DNAH9: variants seen among roughly 807,000 people sequenced by gnomAD.
DNAH9 encodes dynein axonemal heavy chain 9, also known as DNAH9 variant protein.
DNAH9 carries 345 observed loss-of-function variants against 471.6 expected under a neutral mutation model. The ratio of observed to expected loss-of-function variants is 0.73; its 90% confidence interval spans 0.67 to 0.80. The LOEUF is 0.80. Among genes scored for constraint, DNAH9 ranks in the 30% least tolerant of loss-of-function variants. The probability of loss-of-function intolerance (pLI) is 0.00; values close to 1 mark genes in which losing one functional copy is unlikely to be tolerated. For missense variants in DNAH9, 5,407 were observed against 5,609.2 expected, an observed-to-expected ratio of 0.96 and a Z score of 1.15; for synonymous variants, 2,093 against 2,123.6, an observed-to-expected ratio of 0.99 and a Z score of 0.40.
At position 11,822,224 on chromosome 17, in the gene DNAH9, A is replaced by G. The variant is rs917898469; in HGVS notation, c.8850+162A>G. ...GCACAGTTGCCAGGACACCCTTCTC[A>G]TCTGCTTTAAGGGCAGCAGCATCCC... On this transcript the variant is annotated intron_variant, in intron 46 of 68. Coordinates refer to ENST00000262442, the MANE Select transcript of DNAH9 (RefSeq NM_001372.4). 2.6e-5 allele frequency among the ~76,000 whole-genome samples: 4 copies of G among 152,310 alleles called. No individual in the cohort carries two copies. In the East Asian group the frequency reaches 7.7e-4, roughly 29 times the overall value.
rs776880349 is a variant in DNAH9, at chr17:11,854,373, C to T, written c.9878C>T (p.Thr3293Ile). The change falls in exon 50 of 69, where the codon ACC becomes ATC. Residue 3293 changes from threonine to isoleucine, a missense_variant. Thr to Ile is a moderately conservative substitution (Grantham distance 89). Transcript: ENST00000262442. ...EPKRQALNKATADLTAAQEKL... is the reference protein window; with the variant it reads ...EPKRQALNKAIADLTAAQEKL... ...AAGCGCCAGGCACTGAACAAAGCCA[C>T]CGCGGACCTCACAGCTGCCCAGGAG... 3 of 1,614,086 alleles carry T rather than the reference C, an allele frequency of 1.9e-6. No homozygotes were observed. In the Admixed American group the frequency reaches 5.0e-5, roughly 27 times the overall value.
chr17:11,903,276 T>C (rs542161988), intron 60 of DNAH9, among the ~76,000 whole-genome samples: 1 of 152,066 alleles, frequency 6.6e-6, no homozygotes, highest in East Asian at 1.9e-4. Context: ...AGGCAGAGGT[T>C]GCAGTGACCC....
intron 50 of DNAH9, among the ~76,000 whole-genome samples, chr17:11,866,579 A>T (rs1166011251): frequency 1.3e-5 from 2 of 152,174 alleles, no homozygotes; most frequent in African/African-American, 4.8e-5. Context: ...AAGTCTGCAG[A>T]GGTTACTGCT....
At chr17:11,824,575 T>C (rs941562686) in intron 48 of DNAH9, among the ~76,000 whole-genome samples, 1 of 152,228 alleles carries the variant, frequency 6.6e-6, no homozygotes, top group African/African-American at 2.4e-5. Context: ...CTTTTTTCTC[T>C]AAATTGTAGG....
chr17:11,836,696 T>C (rs1970860682), intron 49 of DNAH9, among the ~76,000 whole-genome samples: 1 of 152,150 alleles, frequency 6.6e-6, no homozygotes, highest in Non-Finnish European at 1.5e-5. Flanking sequence ...CGTCTAAATC[T>C]TACCCAAATT....
At chr17:11,758,910 G>T (rs1232075252) in intron 35 of DNAH9, among the ~76,000 whole-genome samples, 3 of 152,120 alleles carry the variant, frequency 2.0e-5, no homozygotes, top group Non-Finnish European at 4.4e-5. Flanking sequence ...AAGGCTTTCA[G>T]TCCGTGGGTG....
intron 28 of DNAH9, among the ~76,000 whole-genome samples, chr17:11,730,084 G>A (rs969060487): frequency 7.9e-5 from 12 of 152,308 alleles, no homozygotes; most frequent in African/African-American, 2.9e-4. Context: ...CAGAACGTGA[G>A]GCTCTTCCCT....
chr17:11,648,950 AC>A (rs1266221585), intron 12 of DNAH9, among the ~76,000 whole-genome samples: 2 of 151,990 alleles, frequency 1.3e-5, no homozygotes, highest in African/African-American at 2.4e-5. Context: ...ACATGGAGAA[AC>A]CCCATCTCTA....
chr17:11,845,040 A>G (rs1448717152), intron 49 of DNAH9, among the ~76,000 whole-genome samples: 1 of 150,402 alleles, frequency 6.6e-6, no homozygotes, highest in Non-Finnish European at 1.5e-5. Context: ...GTTTTAGGGT[A>G]CATGTGCACA....
chr17:11,960,792 A>G (rs1336569999), intron 67 of DNAH9, among the ~76,000 whole-genome samples: 1 of 152,050 alleles, frequency 6.6e-6, no homozygotes, highest in African/African-American at 2.4e-5. Context: ...GTTAAGAGAA[A>G]AAGTTAGATC....
intron 38 of DNAH9, among the ~76,000 whole-genome samples, chr17:11,780,438 C>T (rs1184237679): frequency 2.6e-5 from 4 of 152,302 alleles, no homozygotes; most frequent in Admixed American, 6.5e-5. Context: ...GGAAGGGGAG[C>T]GGCAGCCTTT....
chr17:11,870,111 T>A (rs1972209488), intron 51 of DNAH9, among the ~76,000 whole-genome samples: 1 of 152,124 alleles, frequency 6.6e-6, no homozygotes, highest in African/African-American at 2.4e-5. Flanking sequence ...AGGACAAGTG[T>A]CCCAAGAGGC....
chr17:11,701,597 G>T (rs1192948508), intron 24 of DNAH9, among the ~76,000 whole-genome samples: 1 of 152,216 alleles, frequency 6.6e-6, no homozygotes, highest in Non-Finnish European at 1.5e-5. Flanking sequence ...AATGACACCT[G>T]TCTTGCTGGA....
At chr17:11,694,140 A>G (rs1301746520) in intron 21 of DNAH9, 142 bp downstream of exon 21, 6 of 1,263,358 alleles carry the variant, frequency 4.7e-6, no homozygotes, top group Non-Finnish European at 6.6e-6. Context: ...AGCATGGGGC[A>G]TTATTAGAGG....
chr17:11,700,722 A>G (rs1470251843), intron 23 of DNAH9, among the ~76,000 whole-genome samples: 1 of 152,206 alleles, frequency 6.6e-6, no homozygotes, highest in African/African-American at 2.4e-5. Context: ...CTGTAGACCC[A>G]GAAAGCATTG....
intron 35 of DNAH9, 63 bp from the exon 36 acceptor site, chr17:11,763,377 C>A: frequency 6.8e-7 from 1 of 1,472,954 alleles, no homozygotes; most frequent in Non-Finnish European, 9.4e-7. Context: ...CATAGCTGTC[C>A]AACAGCACCA....
At chr17:11,685,665 G>A (rs968626406) in intron 19 of DNAH9, among the ~76,000 whole-genome samples, 2 of 152,136 alleles carry the variant, frequency 1.3e-5, no homozygotes, top group African/African-American at 4.8e-5. Flanking sequence ...GGGAGATGGA[G>A]GAGAAGGAGA....
chr17:11,635,251 A>G (rs1280526317), intron 8 of DNAH9, among the ~76,000 whole-genome samples: 1 of 150,750 alleles, frequency 6.6e-6, no homozygotes, highest in African/African-American at 2.4e-5. Context: ...ACTGCAACCT[A>G]TGCCTTCTGG....
Position 11,747,499 on chromosome 17 carries a change from T to C in DNAH9, c.6400-57T>C. 7 of 1,411,482 alleles carry C rather than the reference T, an allele frequency of 5.0e-6. No individual in the cohort carries two copies. The East Asian group carries it at 6.9e-5, about 14-fold the overall frequency. 87.4% of individuals were successfully genotyped at this position (1,411,482 alleles called of 1,614,324 possible). On this transcript the variant is annotated intron_variant, in intron 31 of 68. Coordinates refer to ENST00000262442, the MANE Select transcript of DNAH9 (RefSeq NM_001372.4). ...ACCAGCTGGGGTCACAGAAGAGCAG[T>C]TGGGATGCAGGTGAGTCACAGGCTG... is the stretch of plus-strand genomic sequence containing the variant.
Sources: allele counts gnomAD v4.1 joint callset (sites outside exome capture counted in the v4.1 genomes callset), GRCh38; gene constraint gnomAD v4.1.1; transcripts MANE v1.5; gene names NCBI Gene and HGNC (gene_info 2026-07-23, HGNC 2026-07-21).